Variants in MTCL1 observed in about 807,000 individuals in gnomAD.
The protein encoded by MTCL1 is microtubule crosslinking factor 1, also known as microtubule cross-linking factor 1.
In MTCL1, 79 loss-of-function variants were observed where a neutral mutation model predicts 141.4. The observed-to-expected ratio is 0.56, with a 90% CI of 0.47 to 0.67. The LOEUF (loss-of-function observed/expected upper bound fraction) is 0.67, where lower values mean the gene tolerates loss of function less well. MTCL1 is among the 30% of genes least tolerant of loss of function. The pLI is 0.00. For synonymous variants in MTCL1, 914 were observed against 875.8 expected (o/e 1.04, Z -0.77); for missense variants, 2,177 against 2,113.9 (o/e 1.03, Z -0.59).
exon 10 of MTCL1, chr18:8,798,120 C>A: frequency 6.3e-7 from 1 of 1,591,134 alleles, no homozygotes; most frequent in Non-Finnish European, 8.5e-7. Context: ...AGACCCTCTC[C>A]AGGCTCGGGG....
intron 4 of MTCL1, among the ~76,000 whole-genome samples, chr18:8,732,927 A>G (rs1182897425): frequency 1.3e-5 from 2 of 152,258 alleles, no homozygotes; most frequent in East Asian, 1.9e-4. Context: ...TGGGGAGGGC[A>G]TTCATCAGGC....
chr18:8,726,524 AGAGCGAGTGCGCATGCGC>A (rs1334363009), intron 4 of MTCL1, among the ~76,000 whole-genome samples: 5,052 of 115,352 alleles, frequency 0.044, 294 homozygotes, highest in African/African-American at 0.13. Flanking sequence ...CGAGCGAGAG[AGAGCGAGTGCGCATGCGC>A]GCGCGCAACA....
chr18:8,761,173 G>GA (rs1233946086), intron 4 of MTCL1, among the ~76,000 whole-genome samples: 22 of 152,148 alleles, frequency 1.4e-4, no homozygotes. Context: ...GCCATAAAAG[G>GA]AGAGGAAAGA....
At chr18:8,731,376 C>T (rs1264914051) in intron 4 of MTCL1, among the ~76,000 whole-genome samples, 1 of 152,022 alleles carries the variant, frequency 6.6e-6, no homozygotes, top group African/African-American at 2.4e-5. Flanking sequence ...GAGTTCAAGA[C>T]CAGCCTAGCC....
rs1200196582 is a variant in MTCL1, at chr18:8,779,203, G to C, written c.417+1311G>C. On this transcript the variant is annotated intron_variant, in intron 5 of 16. Coordinates refer to ENST00000359865, the Ensembl canonical transcript of MTCL1. The surrounding 1 kb of genome is among the most constrained non-coding windows in gnomAD (Gnocchi z 4.1). ...ATACAGAGAGCGATATATTTCTGTT[G>C]CTTGACAAGGCCTTTCCCGCTGGTG... Among the ~76,000 whole-genome samples the C allele has an allele frequency of 6.6e-6, 1 of 152,162 alleles. No individual in the cohort carries two copies. The highest frequency in any genetic ancestry group is 1.5e-5 in the Non-Finnish European group (1 of 68,022).
At chr18:8,712,253 T>C (rs550193612) in intron 1 of MTCL1, among the ~76,000 whole-genome samples, 2 of 152,330 alleles carry the variant, frequency 1.3e-5, no homozygotes, top group Admixed American at 1.3e-4. Flanking sequence ...GCAGAGAAAA[T>C]TGGCTTCTTG....
At chr18:8,706,413 G>T in exon 1 of MTCL1, 1 of 1,227,784 alleles carries the variant, frequency 8.1e-7, no homozygotes, top group Non-Finnish European at 1.0e-6. Flanking sequence ...GAGCGCCGAC[G>T]CCGAGCCCCG....
At chr18:8,763,440 G>A (rs2096443350) in intron 4 of MTCL1, among the ~76,000 whole-genome samples, 1 of 152,188 alleles carries the variant, frequency 6.6e-6, no homozygotes, top group East Asian at 1.9e-4. Flanking sequence ...CCAAAGAGAT[G>A]TCATGTGCCT....
At chr18:8,706,415 C>T in exon 1 of MTCL1, 1 of 1,227,900 alleles carries the variant, frequency 8.1e-7, no homozygotes, top group Admixed American at 4.3e-5. Context: ...GCGCCGACGC[C>T]GAGCCCCGCA....
chr18:8,721,941 G>A (rs1439256062), intron 4 of MTCL1, among the ~76,000 whole-genome samples: 1 of 152,170 alleles, frequency 6.6e-6, no homozygotes, highest in African/African-American at 2.4e-5. Context: ...ATAGAGCTGT[G>A]TGATCAGAGC....
chr18:8,798,018 A>G, intron 9 of MTCL1, 79 bp from the exon 9 acceptor site: 1 of 1,380,202 alleles, frequency 7.2e-7, no homozygotes. Flanking sequence ...GTAGATGGTT[A>G]TCCTCAGACA....
intron 7 of MTCL1, among the ~76,000 whole-genome samples, chr18:8,790,290 G>T (rs2075675463): frequency 6.6e-6 from 1 of 152,178 alleles, no homozygotes. Flanking sequence ...AAACTAAATA[G>T]TTCATGCAAT....
intron 4 of MTCL1, among the ~76,000 whole-genome samples, chr18:8,771,872 G>A (rs930663046): frequency 6.6e-6 from 1 of 152,204 alleles, no homozygotes; most frequent in Non-Finnish European, 1.5e-5. Context: ...GCCCCCACTG[G>A]GGGGGTTCCT....
At chr18:8,818,212 C>T (rs578053885) in intron 12 of MTCL1, among the ~76,000 whole-genome samples, 146 of 152,344 alleles carry the variant, frequency 9.6e-4, no homozygotes, top group African/African-American at 3.2e-3. Flanking sequence ...TTGCACCTGC[C>T]TGCAAACCAG....
chr18:8,726,518 CGAGAGAGAGCGAGT>C (rs1270334843), intron 4 of MTCL1, among the ~76,000 whole-genome samples: 1 of 130,922 alleles, frequency 7.6e-6, no homozygotes, highest in East Asian at 2.4e-4. Flanking sequence ...CAAGAGCGAG[CGAGAGAGAGCGAGT>C]GCGCATGCGC....
chr18:8,731,782 C>G (rs1236206584), intron 4 of MTCL1, among the ~76,000 whole-genome samples: 1 of 152,026 alleles, frequency 6.6e-6, no homozygotes, highest in Non-Finnish European at 1.5e-5. Context: ...GATCTCAGCT[C>G]ACTGCAACCT....
chr18:8,775,408 T>TAAAAAAAA (rs780102071), intron 4 of MTCL1, among the ~76,000 whole-genome samples: 1 of 92,970 alleles, frequency 1.1e-5, no homozygotes, highest in Admixed American at 1.1e-4. Context: ...TCGTCTCTAC[T>TAAAAAAAA]AAAAAAAAAA....
chr18:8,813,226 T>C (rs1293724921), exon 12 of MTCL1: 6 of 1,610,708 alleles, frequency 3.7e-6, no homozygotes, highest in African/African-American at 1.3e-5. Flanking sequence ...TTGTGGAGGA[T>C]AGAGCAGGTA....
chr18:8,766,309 C>T (rs1391769271), intron 4 of MTCL1, among the ~76,000 whole-genome samples: 1 of 151,638 alleles, frequency 6.6e-6, no homozygotes, highest in East Asian at 1.9e-4. Flanking sequence ...GCTGATCCAC[C>T]GAGCTCCCCA....
Sources: gnomAD v4.1 joint callset for allele counts (sites outside exome capture counted in the v4.1 genomes callset) on GRCh38, gnomAD v4.1.1 for gene constraint, Gnocchi (gnomAD v3.1) non-coding constraint, MANE v1.5 for transcripts, NCBI Gene and HGNC (gene_info 2026-07-23, HGNC 2026-07-21) for gene names.